The following WDR64 variants were observed in gnomAD, a reference collection of about 807,000 sequenced individuals.
WDR64 encodes the protein WD repeat domain 64.
Under a neutral mutation model 139.3 loss-of-function variants are expected in WDR64, and 112 were observed. That is an observed-to-expected ratio of 0.80 (90% CI 0.69 to 0.94). WDR64 has a LOEUF of 0.94. WDR64 is among the 40% of genes least tolerant of loss of function. The pLI, the probability that WDR64 is intolerant of heterozygous loss-of-function variation, is 0.00. For synonymous variants in WDR64, 444 were observed against 437.7 expected, an observed-to-expected ratio of 1.01 and a Z score of -0.18; for missense variants, 1,206 against 1,293.1, an observed-to-expected ratio of 0.93 and a Z score of 1.03.
intron 23 of WDR64, among the ~76,000 whole-genome samples, chr1:241,785,122 A>AAC (rs1421645158): frequency 6.6e-6 from 1 of 152,024 alleles, no homozygotes; most frequent in Non-Finnish European, 1.5e-5. Flanking sequence ...TTGAGTTTGT[A>AAC]ACACACACAC....
intron 7 of WDR64, among the ~76,000 whole-genome samples, chr1:241,687,129 A>G (rs1270303165): frequency 6.6e-6 from 1 of 151,782 alleles, no homozygotes; most frequent in Non-Finnish European, 1.5e-5. Flanking sequence ...ACATTATGAA[A>G]CCCCGTCTCT....
At chr1:241,776,173 G>A (rs1658650315) in intron 21 of WDR64, among the ~76,000 whole-genome samples, 1 of 151,914 alleles carries the variant, frequency 6.6e-6, no homozygotes, top group Non-Finnish European at 1.5e-5. Context: ...CTGCCTCCTA[G>A]GTTCAAGCAA....
Position 241,775,154 on chromosome 1 carries a change from C to A in WDR64, c.2480C>A (p.Ser827Tyr). The A allele has an allele frequency of 6.4e-7, 1 of 1,551,166 alleles. No homozygotes were observed. The change falls in exon 21 of 28, where the codon TCT becomes TAT. Residue 827 changes from serine (S) to tyrosine (Y), a missense_variant. Physicochemically the swap from Ser to Tyr is moderately radical, Grantham distance 144. Coordinates refer to ENST00000437684, the MANE Select transcript of WDR64 (RefSeq NM_001367482.1). Reference protein sequence around the residue: ...MLPFTKHSAISLTSLYTDSCT... With the variant: ...MLPFTKHSAIYLTSLYTDSCT... ...CCTTTCACAAAACATTCTGCCATTTCTCTGACATCGCTGTATACTGATTCA... is the reference window on the plus strand; with the variant it reads ...CCTTTCACAAAACATTCTGCCATTTATCTGACATCGCTGTATACTGATTCA...
intron 1 of WDR64, among the ~76,000 whole-genome samples, chr1:241,655,666 G>A (rs957990347): frequency 2.0e-5 from 3 of 150,384 alleles, no homozygotes; most frequent in East Asian, 2.0e-4. Flanking sequence ...CTGATTTTGC[G>A]CATGTCATTC....
intron 8 of WDR64, among the ~76,000 whole-genome samples, chr1:241,697,541 G>A (rs1373834294): frequency 6.6e-6 from 1 of 151,994 alleles, no homozygotes; most frequent in African/African-American, 2.4e-5. Context: ...CCCCAGCGTC[G>A]AACAGGCTAG....
intron 14 of WDR64, among the ~76,000 whole-genome samples, chr1:241,752,833 A>G (rs1670029727): frequency 6.6e-6 from 1 of 152,210 alleles, no homozygotes; most frequent in Non-Finnish European, 1.5e-5. Flanking sequence ...CCTGGGCGAC[A>G]GAGCAAGACT....
chr1:241,684,797 G>A (rs979398532), intron 7 of WDR64, among the ~76,000 whole-genome samples: 4 of 152,016 alleles, frequency 2.6e-5, no homozygotes, highest in Non-Finnish European at 5.9e-5. Flanking sequence ...TCACTCTGTC[G>A]CCCAGGCTGG....
rs1393768846 is a variant in WDR64 at position 241,674,775 on chromosome 1, A to G, written c.483+28A>G. 1.0e-5 allele frequency: 14 copies of G among 1,358,076 alleles called. No homozygotes were observed. The East Asian group carries it at 3.0e-4, about 30-fold the overall frequency. The allele number at this position is 1,358,076 out of a possible 1,614,324, so 84.1% of individuals were successfully genotyped here. ...AATTTCTTTTTCTTTTTTTAACTGA[A>G]TGACTCATTTTACAATAACCAGGTA... On this transcript the variant is annotated intron_variant, in intron 4 of 27. Coordinates refer to ENST00000437684, the MANE Select transcript of WDR64 (RefSeq NM_001367482.1).
At chr1:241,789,221 G>A (rs572197161) in intron 24 of WDR64, among the ~76,000 whole-genome samples, 4 of 152,212 alleles carry the variant, frequency 2.6e-5, no homozygotes, top group African/African-American at 7.2e-5. Flanking sequence ...CGTAGGACAC[G>A]TGCTCATGTT....
At chr1:241,735,860 T>TGC (rs1238549421) in intron 10 of WDR64, among the ~76,000 whole-genome samples, 3 of 99,962 alleles carry the variant, frequency 3.0e-5, no homozygotes, top group Admixed American at 1.0e-4. Flanking sequence ...TCTCTCTGTG[T>TGC]GTGTGTGTGT....
rs962386332 is a variant in WDR64, at chr1:241,765,551, G to C, written c.1948-667G>C. On this transcript the variant is annotated intron_variant, in intron 15 of 27. Transcript: ENST00000437684. ...AGGAGAGTAAGGAGTTTCAGGAAGG[G>C]GAGAGCAACTGAGAGTGGTAATTGA... Among the ~76,000 whole-genome samples the C allele has an allele frequency of 3.9e-5, 6 of 152,124 alleles. No individual in the cohort carries two copies. In the East Asian group the frequency reaches 9.6e-4, roughly 24 times the overall value.
intron 6 of WDR64, among the ~76,000 whole-genome samples, chr1:241,680,766 A>G (rs1327265502): frequency 1.5e-5 from 1 of 68,116 alleles, no homozygotes; most frequent in African/African-American, 4.5e-5. Context: ...TATTTGGCAC[A>G]ATTATGAACT....
chr1:241,667,701 C>A (rs1224654972), intron 2 of WDR64, among the ~76,000 whole-genome samples: 1 of 152,072 alleles, frequency 6.6e-6, no homozygotes, highest in Non-Finnish European at 1.5e-5. Context: ...CAGAACAGGC[C>A]TTCAGACCAA....
intron 27 of WDR64, among the ~76,000 whole-genome samples, chr1:241,796,992 G>A (rs1028347791): frequency 2.6e-5 from 4 of 152,170 alleles, no homozygotes; most frequent in Admixed American, 6.5e-5. Flanking sequence ...ACATAGAGGA[G>A]GGCTGTATAA....
At chr1:241,697,624 G>C (rs761295854) in intron 8 of WDR64, among the ~76,000 whole-genome samples, 3 of 152,164 alleles carry the variant, frequency 2.0e-5, no homozygotes, top group Non-Finnish European at 4.4e-5. Flanking sequence ...TCAAGTCTCT[G>C]TCGATATGAG....
rs764812158 is a variant in WDR64 at position 241,795,293 on chromosome 1, T to C, written c.3078+6T>C. 18 of 1,610,588 alleles carry C rather than the reference T, an allele frequency of 1.1e-5. No homozygotes were observed. Among genetic ancestry groups the C allele is most frequent in the East Asian group, 4.5e-5 (2 of 44,606 alleles). On this transcript the variant is annotated splice_donor_region_variant and intron_variant, in intron 26 of 27. Transcript: ENST00000437684. ...GCTCTCTGCCTATATACAGTGTGAG[T>C]TGGAGTTTCTAGGAGTAGAGGGGTC...
At chr1:241,674,983 T>C in intron 4 of WDR64, among the ~76,000 whole-genome samples, 1 of 40,164 alleles carries the variant, frequency 2.5e-5, no homozygotes, top group African/African-American at 6.8e-5. Flanking sequence ...TTTCCTTCTT[T>C]CCTCCCTTTC....
intron 27 of WDR64, among the ~76,000 whole-genome samples, chr1:241,800,878 G>A (rs1574105900): frequency 6.6e-6 from 1 of 152,024 alleles, no homozygotes; most frequent in East Asian, 1.9e-4. Flanking sequence ...GTGCAGCTGA[G>A]TCCTAGAATG....
At chr1:241,724,682 G>T (rs1574044081) in intron 10 of WDR64, among the ~76,000 whole-genome samples, 1 of 152,124 alleles carries the variant, frequency 6.6e-6, no homozygotes, top group Non-Finnish European at 1.5e-5. Flanking sequence ...GAAAATATAG[G>T]TGAATAGTCT....
Sources: gnomAD v4.1 joint callset for allele counts (sites outside exome capture counted in the v4.1 genomes callset) on GRCh38, gnomAD v4.1.1 for gene constraint, MANE v1.5 for transcripts, NCBI Gene and HGNC (gene_info 2026-07-23, HGNC 2026-07-21) for gene names.